Variants in ARFGEF1 observed in about 807,000 individuals in gnomAD.
ARFGEF1 encodes ARF guanine nucleotide exchange factor 1, also known as brefeldin A-inhibited guanine nucleotide-exchange protein 1.
Under a neutral mutation model 231.0 loss-of-function variants are expected in ARFGEF1, and 42 were observed. That is an observed-to-expected ratio of 0.18 (90% CI 0.14 to 0.24). The LOEUF (loss-of-function observed/expected upper bound fraction) is 0.24, where lower values mean the gene tolerates loss of function less well. ARFGEF1 is among the 10% of genes least tolerant of loss of function. The pLI is 1.00. For missense variants in ARFGEF1, 1,345 were observed against 2,192.0 expected (o/e 0.61, Z 7.72); for synonymous variants, 710 against 732.3 (o/e 0.97, Z 0.49).
chr8:67,288,167 G>T (rs1805839567), intron 6 of ARFGEF1, 102 bp from the exon 7 acceptor site: 1 of 607,244 alleles, frequency 1.6e-6, no homozygotes, highest in East Asian at 3.2e-5. Flanking sequence ...AGGAATAAAA[G>T]AAAAAAAATC....
At chr8:67,193,539 A>G, downstream of ARFGEF1, 4 of 1,613,430 alleles carry the variant, frequency 2.5e-6, no homozygotes, top group Non-Finnish European at 3.4e-6. Flanking sequence ...TGATGAGCTT[A>G]GAGTGAGAAA....
intron 1 of ARFGEF1, among the ~76,000 whole-genome samples, chr8:67,319,439 T>C (rs1390649403): frequency 1.3e-5 from 2 of 150,490 alleles, no homozygotes; most frequent in Admixed American, 1.3e-4. Flanking sequence ...AAAGTACAAG[T>C]GCAATTCAAT....
chr8:67,288,947 A>C (rs1261345682), intron 6 of ARFGEF1, among the ~76,000 whole-genome samples: 1 of 149,452 alleles, frequency 6.7e-6, no homozygotes, highest in Non-Finnish European at 1.5e-5. Flanking sequence ...TTAATGTAAA[A>C]AACAAAAAAA....
intron 29 of ARFGEF1, among the ~76,000 whole-genome samples, chr8:67,222,941 C>T (rs542770597): frequency 1.3e-5 from 2 of 152,310 alleles, no homozygotes; most frequent in Admixed American, 6.5e-5. Flanking sequence ...GCCTACAGTA[C>T]AGTAACATGC....
At chr8:67,307,093 T>C (rs965665193) in intron 1 of ARFGEF1, among the ~76,000 whole-genome samples, 1 of 152,186 alleles carries the variant, frequency 6.6e-6, no homozygotes, top group Non-Finnish European at 1.5e-5. Context: ...ATGGATAGTT[T>C]TTAATAAACA....
intron 34 of ARFGEF1, among the ~76,000 whole-genome samples, chr8:67,211,060 A>G (rs1838724588): frequency 6.8e-6 from 1 of 146,534 alleles, no homozygotes; most frequent in Non-Finnish European, 1.5e-5. Flanking sequence ...AAAAAAAACA[A>G]AAGTGGCCGG....
intron 1 of ARFGEF1, among the ~76,000 whole-genome samples, chr8:67,311,240 G>A (rs1478427287): frequency 7.0e-6 from 1 of 142,980 alleles, no homozygotes; most frequent in Non-Finnish European, 1.5e-5. Flanking sequence ...AGGGAGGTGG[G>A]GAGGTCAGCC....
At chr8:67,193,567 G>C (rs145806226), downstream of ARFGEF1, 9 of 1,613,788 alleles carry the variant, frequency 5.6e-6, no homozygotes, top group African/African-American at 1.3e-5. Flanking sequence ...CGAATGCGAA[G>C]ACTGAATGAA....
chr8:67,206,128 G>A (rs192315176), intron 34 of ARFGEF1, among the ~76,000 whole-genome samples: 4 of 151,966 alleles, frequency 2.6e-5, no homozygotes, highest in Admixed American at 2.6e-4. Flanking sequence ...GTTAAGCCGG[G>A]GCCGGGTGCA....
At chr8:67,199,406 G>C (rs1187236483) in intron 38 of ARFGEF1, 5 of 235,744 alleles carry the variant, frequency 2.1e-5, no homozygotes, top group Admixed American at 5.7e-5. Context: ...AACTAGAGTT[G>C]AGATTTTATA....
chr8:67,218,045 A>G lies in ARFGEF1; in HGVS notation c.4432T>C (p.Leu1478=), dbSNP rs760710493. 1 of 1,612,328 alleles carries G rather than the reference A, an allele frequency of 6.2e-7. No individual in the cohort carries two copies. The highest frequency in any genetic ancestry group is 1.1e-5 in the South Asian group (1 of 90,756). ...QYLEVLSDVL[L]DDIFAQLYWC... ...TAGAGCTGAGCAAAAATGTCATCCAAAAGTACATCACTGAGTACTTCTAAA... is the reference window on the plus strand; with the variant it reads ...TAGAGCTGAGCAAAAATGTCATCCAGAAGTACATCACTGAGTACTTCTAAA... Residue 1478 remains leucine (L), a synonymous_variant, in exon 31 of 39, where the codon TTG becomes CTG. Coordinates refer to ENST00000262215, the MANE Select transcript of ARFGEF1 (RefSeq NM_006421.5).
chr8:67,339,086 T>C (rs1808479364), intron 1 of ARFGEF1, among the ~76,000 whole-genome samples: 1 of 152,164 alleles, frequency 6.6e-6, no homozygotes, highest in Non-Finnish European at 1.5e-5. Context: ...CAATATTGTA[T>C]CTCTGGATGA....
chr8:67,187,090 A>G (rs1015034622), intron 5 of ARFGEF1, among the ~76,000 whole-genome samples: 2 of 152,286 alleles, frequency 1.3e-5, no homozygotes, highest in Non-Finnish European at 1.5e-5. Flanking sequence ...AAATGGAGAT[A>G]TATTTCATGA....
intron 1 of ARFGEF1, among the ~76,000 whole-genome samples, chr8:67,319,960 C>T (rs542683977): frequency 1.7e-4 from 26 of 152,188 alleles, no homozygotes; most frequent in African/African-American, 6.3e-4. Context: ...GTGGCTCACA[C>T]CTGTAATCCT....
At position 67,287,947 on chromosome 8, in the gene ARFGEF1, T is replaced by TTGA; in HGVS notation, c.1027+7_1027+8insTCA. The TTGA allele has an allele frequency of 6.4e-7, 1 of 1,551,682 alleles. No individual in the cohort carries two copies. Among genetic ancestry groups the TTGA allele is most frequent in the Non-Finnish European group, 8.7e-7 (1 of 1,150,232 alleles). ...CAGAGTAAAATAATTTTGAATGAAGTATACTACCTCCAACAACAATGTTCA... is the reference window on the plus strand; with the variant it reads ...CAGAGTAAAATAATTTTGAATGAAGTTGAATACTACCTCCAACAACAATGTTCA... On this transcript the variant is annotated splice_region_variant and intron_variant, in intron 7 of 38. Transcript: ENST00000262215.
chr8:67,217,930 A>G lies in ARFGEF1; in HGVS notation c.4475-10T>C, dbSNP rs762432465. 9.9e-6 allele frequency: 16 copies of G among 1,613,316 alleles called. No homozygotes were observed. Among genetic ancestry groups the G allele is most frequent in the Non-Finnish European group, 1.4e-5 (16 of 1,179,604 alleles). On this transcript the variant is annotated splice_polypyrimidine_tract_variant and intron_variant, in intron 31 of 38. Transcript: ENST00000262215. ...GCTAACTGCTCATTGTCTAGGAAAGAAAAGAGCAATTCATTTATATATTAC... is the reference window on the plus strand; with the variant it reads ...GCTAACTGCTCATTGTCTAGGAAAGGAAAGAGCAATTCATTTATATATTAC...
In ARFGEF1 at chr8:67,219,421, A is replaced by T. The variant is rs778315567; in HGVS notation, c.4338+10T>A. ...TGACTAAGCTAAATGAAAATTGTGT[A>T]TCCTCTTACCTCTGTCTGTTGTTCT... On this transcript the variant is annotated intron_variant, in intron 30 of 38. Transcript: ENST00000262215. 2 of 1,604,710 alleles carry T rather than the reference A, an allele frequency of 1.2e-6. No individual in the cohort carries two copies. The highest frequency in any genetic ancestry group is 8.5e-7 in the Non-Finnish European group (1 of 1,177,034).
At chr8:67,301,127 A>T in intron 3 of ARFGEF1, 97 bp downstream of exon 3, 1 of 1,222,472 alleles carries the variant, frequency 8.2e-7, no homozygotes, top group Non-Finnish European at 1.1e-6. Context: ...AAGAGTATTC[A>T]AAGCTTTCAT....
intron 10 of ARFGEF1, 32 bp from the exon 11 acceptor site, chr8:67,267,474 ATT>A (rs1323484928): frequency 7.4e-7 from 1 of 1,348,122 alleles, no homozygotes; most frequent in South Asian, 1.2e-5. Flanking sequence ...TGTTTAAAAT[ATT>A]GTTTAGAATT....
Sources: allele counts gnomAD v4.1 joint callset (sites outside exome capture counted in the v4.1 genomes callset), GRCh38; gene constraint gnomAD v4.1.1; transcripts MANE v1.5; gene names NCBI Gene and HGNC (gene_info 2026-07-23, HGNC 2026-07-21).